ACAP2: variants seen among roughly 807,000 people sequenced by gnomAD.
ACAP2 encodes ArfGAP with coiled-coil, ankyrin repeat and PH domains 2.
Under a neutral mutation model 115.8 loss-of-function variants are expected in ACAP2, and 39 were observed. The observed-to-expected ratio is 0.34, with a 90% CI of 0.26 to 0.44. ACAP2 has a LOEUF of 0.44. ACAP2 is among the 20% of genes least tolerant of loss of function. The probability of loss-of-function intolerance (pLI) is 1.00; values close to 1 mark genes in which losing one functional copy is unlikely to be tolerated. For missense variants in ACAP2, 662 were observed against 927.6 expected (o/e 0.71, Z 3.72); for synonymous variants, 289 against 315.8 (o/e 0.92, Z 0.90).
Position 195,290,813 on chromosome 3 carries a change from A to AAAATAAAT in ACAP2, c.2063+885_2063+892dup, listed in dbSNP as rs34104661. Reference sequence around the variant, plus strand: ...GGGTGACAGAGCAAGACTTTATCTCAAAATAAATAAATAAATAAATAAATA... The same window carrying AAAATAAAT: ...GGGTGACAGAGCAAGACTTTATCTCAAAATAAATAAATAAATAAATAAATAAATAAATA... On this transcript the variant is annotated intron_variant, in intron 20 of 22. Transcript: ENST00000326793. Among the ~76,000 whole-genome samples, 632 of 138,402 alleles carry AAAATAAAT rather than the reference A, an allele frequency of 4.6e-3. 6 individuals carry two copies. Among genetic ancestry groups the AAAATAAAT allele is most frequent in the African/African-American group, 6.3e-3 (222 of 35,480 alleles). The allele number at this position is 138,402 out of a possible 152,430, so 90.8% of individuals were successfully genotyped here.
chr3:195,329,074 C>T (rs1442852884), intron 8 of ACAP2, among the ~76,000 whole-genome samples: 1 of 132,506 alleles, frequency 7.5e-6, no homozygotes. Flanking sequence ...AGTGAGACTC[C>T]GTCTCAAAAA....
Position 195,297,171 on chromosome 3 carries a change from A to AGGG in ACAP2, c.1487+18_1487+19insCCC. Reference sequence around the variant, plus strand: ...TAGCTATATTCCTAATTAGGGGGAAAAAACAACTGAAATAGTACCTTTGTC... The same window carrying AGGG: ...TAGCTATATTCCTAATTAGGGGGAAAGGGAAACAACTGAAATAGTACCTTTGTC... On this transcript the variant is annotated intron_variant, in intron 16 of 22. Transcript: ENST00000326793. 2 of 1,602,860 alleles carry AGGG rather than the reference A, an allele frequency of 1.2e-6. No individual in the cohort carries two copies. Among genetic ancestry groups the AGGG allele is most frequent in the Non-Finnish European group, 1.7e-6 (2 of 1,172,640 alleles).
At chr3:195,434,174 C>T (rs909767607) in intron 1 of ACAP2, among the ~76,000 whole-genome samples, 1 of 152,122 alleles carries the variant, frequency 6.6e-6, no homozygotes, top group South Asian at 2.1e-4. Context: ...AGCAATCCTC[C>T]CACTGTGGCC....
intron 1 of ACAP2, among the ~76,000 whole-genome samples, chr3:195,424,283 A>ATATATATT: frequency 1.8e-5 from 1 of 54,110 alleles, no homozygotes; most frequent in African/African-American, 9.5e-5. Context: ...ATATATATAT[A>ATATATATT]TTTTTTTTTT....
chr3:195,401,104 A>G (rs1479863899), intron 1 of ACAP2, among the ~76,000 whole-genome samples: 1 of 152,170 alleles, frequency 6.6e-6, no homozygotes, highest in Non-Finnish European at 1.5e-5. Context: ...GCTGTTCCCC[A>G]TTATCCTTTT....
intron 4 of ACAP2, among the ~76,000 whole-genome samples, chr3:195,380,059 G>A (rs955297042): frequency 6.6e-6 from 1 of 152,102 alleles, no homozygotes; most frequent in Non-Finnish European, 1.5e-5. Flanking sequence ...AAATGGTACA[G>A]TCTCTGTAGA....
chr3:195,424,253 G>A (rs1285845675), intron 1 of ACAP2, among the ~76,000 whole-genome samples: 3 of 80,026 alleles, frequency 3.7e-5, no homozygotes, highest in African/African-American at 1.4e-4. Context: ...TGGTGTGTGT[G>A]TGTGTGTGTA....
intron 12 of ACAP2, chr3:195,307,012 T>A: frequency 2.3e-6 from 1 of 440,636 alleles, no homozygotes; most frequent in Middle Eastern, 6.2e-4. Context: ...AAATCACCTT[T>A]ATGGAATTTA....
At chr3:195,311,856 A>C (rs1728794855) in intron 10 of ACAP2, among the ~76,000 whole-genome samples, 1 of 152,166 alleles carries the variant, frequency 6.6e-6, no homozygotes, top group South Asian at 2.1e-4. Context: ...TTTAAAATAG[A>C]AAAATTTCTT....
chr3:195,292,102 C>T (rs1033477440), intron 19 of ACAP2, among the ~76,000 whole-genome samples, 163 bp downstream of exon 19: 2 of 152,184 alleles, frequency 1.3e-5, no homozygotes, highest in Non-Finnish European at 2.9e-5. Context: ...TTGAAACAAC[C>T]GAAGTGGTGC....
chr3:195,400,005 CCT>C (rs1341542743), intron 1 of ACAP2, among the ~76,000 whole-genome samples: 1 of 151,596 alleles, frequency 6.6e-6, no homozygotes, highest in African/African-American at 2.4e-5. Flanking sequence ...ATGATGAAAC[CCT>C]GTCTCTACTA....
In ACAP2 at chr3:195,291,647, A is replaced by G. The variant is rs112196329; in HGVS notation, c.2063+59T>C. On this transcript the variant is annotated intron_variant, in intron 20 of 22. Coordinates refer to ENST00000326793, the MANE Select transcript of ACAP2 (RefSeq NM_012287.6). ...ACTTTAACCTAAGAAAAACTAAAAC[A>G]TTAATTCAAAATAATTTTTCAAATA... 3.0e-3 allele frequency: 4,388 copies of G among 1,445,938 alleles called. 85 individuals carry two copies. The African/African-American group carries it at 0.046, about 15-fold the overall frequency. 89.6% of individuals were successfully genotyped at this position (1,445,938 alleles called of 1,614,324 possible). A position where few individuals can be genotyped will look rare whatever the true frequency, so the allele number is the denominator to read the frequency against.
chr3:195,408,380 C>T (rs1712967810), intron 1 of ACAP2, among the ~76,000 whole-genome samples: 1 of 152,154 alleles, frequency 6.6e-6, no homozygotes, highest in African/African-American at 2.4e-5. Context: ...ACAAAAATCA[C>T]TTGAGCCCGA....
intron 9 of ACAP2, among the ~76,000 whole-genome samples, chr3:195,322,098 C>T (rs533963121): frequency 9.9e-5 from 15 of 152,172 alleles, no homozygotes; most frequent in Non-Finnish European, 1.8e-4. Context: ...CACCTGAATG[C>T]AATTTAAACT....
chr3:195,427,088 A>G (rs529191248), intron 1 of ACAP2, among the ~76,000 whole-genome samples: 5 of 152,184 alleles, frequency 3.3e-5, no homozygotes, highest in African/African-American at 7.2e-5. Context: ...AAGGGTCCTT[A>G]TCAGTAAAAG....
intron 21 of ACAP2, among the ~76,000 whole-genome samples, chr3:195,288,115 A>G (rs977288131): frequency 3.4e-4 from 51 of 151,608 alleles, no homozygotes; most frequent in Non-Finnish European, 7.2e-4. Flanking sequence ...AAAAAAAAAG[A>G]AACCATTTTG....
In ACAP2 at chr3:195,381,987, T is replaced by G; in HGVS notation, c.147A>C (p.Gly49=). ...VKLCIAMIDT[G]KAFCVANKQF... ...GTTTATTTGCAACACAAAAGGCTTT[T>G]CCAGTATCAATCATTGCAATACAAA... The change falls in exon 3 of 23, where the codon GGA becomes GGC. Residue 49 remains glycine, a synonymous_variant. Transcript: ENST00000326793. 6.2e-7 allele frequency: 1 copy of G among 1,611,324 alleles called. No individual in the cohort carries two copies. The highest frequency in any genetic ancestry group is 2.2e-5 in the East Asian group (1 of 44,808).
rs557700036 is a variant in ACAP2, at chr3:195,344,797, G to A, written c.344+462C>T. 1.1e-4 allele frequency among the ~76,000 whole-genome samples: 16 copies of A among 152,292 alleles called. No homozygotes were observed. The South Asian group carries it at 3.1e-3, about 30-fold the overall frequency. ...GTCTCCCAAAGTGCTGGGATTACAG[G>A]CGTGAGCCACTGCGCCCCGGCCCAA... On this transcript the variant is annotated intron_variant, in intron 5 of 22. Coordinates refer to ENST00000326793, the MANE Select transcript of ACAP2 (RefSeq NM_012287.6).
Position 195,309,821 on chromosome 3 carries a change from GACAA to G in ACAP2, c.858-988_858-985del, listed in dbSNP as rs542704512. On this transcript the variant is annotated intron_variant, in intron 10 of 22. Transcript: ENST00000326793. ...TTCTGCTCATTACTGTAAATTATTA[GACAA>G]ACAATTTACTTACGATCTTTTTTAG... Among the ~76,000 whole-genome samples the G allele has an allele frequency of 5.5e-3, 843 of 152,040 alleles. 5 individuals are homozygous for G. The highest frequency in any genetic ancestry group is 0.018 in the African/African-American group (757 of 41,412).
Sources: allele counts gnomAD v4.1 joint callset (sites outside exome capture counted in the v4.1 genomes callset), GRCh38; gene constraint gnomAD v4.1.1; transcripts MANE v1.5; gene names NCBI Gene and HGNC (gene_info 2026-07-23, HGNC 2026-07-21).